INPP4B: variants seen among roughly 807,000 people sequenced by gnomAD.
INPP4B encodes the protein inositol polyphosphate 4-phosphatase type II.
In INPP4B, 55 loss-of-function variants were observed where a neutral mutation model predicts 122.5. The ratio of observed to expected loss-of-function variants is 0.45; its 90% CI spans 0.36 to 0.56. The LOEUF (loss-of-function observed/expected upper bound fraction) is 0.56. Among genes scored for constraint, INPP4B ranks in the 20% least tolerant of loss-of-function variants. The pLI is 0.00. For missense variants in INPP4B, 1,000 were observed against 1,097.7 expected (o/e 0.91, Z 1.26); for synonymous variants, 403 against 388.7 (o/e 1.04, Z -0.43).
intron 2 of INPP4B, among the ~76,000 whole-genome samples, chr4:142,528,490 C>G (rs938806621): frequency 6.6e-6 from 1 of 152,062 alleles, no homozygotes; most frequent in Non-Finnish European, 1.5e-5. Flanking sequence ...TGCCCTCTAT[C>G]CAGGCAAGAA....
At chr4:142,425,421 CT>C (rs893152607) in intron 5 of INPP4B, among the ~76,000 whole-genome samples, 6 of 151,428 alleles carry the variant, frequency 4.0e-5, no homozygotes, top group East Asian at 1.9e-4. Flanking sequence ...TTCACTGTGG[CT>C]TTTTTTTTCT....
intron 7 of INPP4B, among the ~76,000 whole-genome samples, chr4:142,382,527 A>C (rs1460799469): frequency 7.0e-6 from 1 of 143,356 alleles, no homozygotes; most frequent in Non-Finnish European, 1.5e-5. Flanking sequence ...AAAAACATAC[A>C]TACACATATA....
chr4:142,289,158 T>C (rs559937517), intron 9 of INPP4B, among the ~76,000 whole-genome samples: 68 of 151,080 alleles, frequency 4.5e-4, no homozygotes, highest in African/African-American at 1.6e-3. Context: ...TTCTAAAATA[T>C]ACTTTTAGCA....
chr4:142,254,366 C>T (rs1418179173), intron 11 of INPP4B, among the ~76,000 whole-genome samples: 4 of 133,446 alleles, frequency 3.0e-5, no homozygotes, highest in African/African-American at 1.0e-4. Flanking sequence ...ATGACTTTCA[C>T]GAGCTGAGAG....
At chr4:142,695,589 A>T (rs1760912425) in intron 2 of INPP4B, among the ~76,000 whole-genome samples, 1 of 152,220 alleles carries the variant, frequency 6.6e-6, no homozygotes, top group African/African-American at 2.4e-5. Flanking sequence ...GCATAAATTT[A>T]TGATGAAAAT....
chr4:142,637,185 G>T (rs907375470), intron 2 of INPP4B, among the ~76,000 whole-genome samples: 1 of 152,046 alleles, frequency 6.6e-6, no homozygotes, highest in East Asian at 1.9e-4. Context: ...GGATGAACCT[G>T]CATTGACACA....
rs144476148 is a variant in INPP4B, at chr4:142,749,177, C to T, written c.-253-23276G>A. ...TATAAAATATATATTATGTATTATA[C>T]CTTACCATATATAATATATATTATG... On this transcript the variant is annotated intron_variant, in intron 1 of 25. Coordinates refer to ENST00000262992, the MANE Select transcript of INPP4B (RefSeq NM_001101669.3). 6.1e-3 allele frequency among the ~76,000 whole-genome samples: 893 copies of T among 146,126 alleles called. 14 individuals carry two copies. Among genetic ancestry groups the T allele is most frequent in the African/African-American group, 0.021 (858 of 40,088 alleles).
intron 2 of INPP4B, among the ~76,000 whole-genome samples, chr4:142,492,458 T>C (rs1266453137): frequency 6.6e-6 from 1 of 152,086 alleles, no homozygotes; most frequent in African/African-American, 2.4e-5. Flanking sequence ...GACAGGAAGA[T>C]GTGAGAAAAT....
At position 142,295,168 on chromosome 4, in the gene INPP4B, T is replaced by C. The variant is rs555952458; in HGVS notation, c.503+10290A>G. ...AGTTCAGTTTGGGGTAGGTAAAATA[T>C]TAGGTGATTACAAAAATATGTGTTC... On this transcript the variant is annotated intron_variant, in intron 9 of 25. Coordinates refer to ENST00000262992, the MANE Select transcript of INPP4B (RefSeq NM_001101669.3). Among the ~76,000 whole-genome samples, 3 of 152,254 alleles carry C rather than the reference T, an allele frequency of 2.0e-5. No individual in the cohort carries two copies. The South Asian group carries it at 6.2e-4, about 32-fold the overall frequency.
At chr4:142,655,659 G>A (rs1467625582) in intron 2 of INPP4B, among the ~76,000 whole-genome samples, 1 of 152,100 alleles carries the variant, frequency 6.6e-6, no homozygotes, top group Non-Finnish European at 1.5e-5. Flanking sequence ...ATAATTATCT[G>A]AGTATAAAAA....
At chr4:142,473,613 G>T (rs1026173706) in intron 2 of INPP4B, among the ~76,000 whole-genome samples, 1 of 152,216 alleles carries the variant, frequency 6.6e-6, no homozygotes, top group African/African-American at 2.4e-5. Flanking sequence ...AGAGGTCGCA[G>T]TTTGGTGCCT....
rs528144915 is a variant in INPP4B at position 142,598,562 on chromosome 4, C to A, written c.-191+127277G>T. ...GGCTAGACCCAAGGATGCTGGAGAG[C>A]CCCCAGTACTCCAGCCCACAGGAAG... On this transcript the variant is annotated intron_variant, in intron 2 of 25. Transcript: ENST00000262992. Among the ~76,000 whole-genome samples, 11 of 152,252 alleles carry A rather than the reference C, an allele frequency of 7.2e-5. 1 individual carries two copies. The South Asian group carries it at 1.9e-3, about 26-fold the overall frequency.
chr4:142,566,802 A>G (rs945468851), intron 2 of INPP4B, among the ~76,000 whole-genome samples: 18 of 152,218 alleles, frequency 1.2e-4, no homozygotes, highest in African/African-American at 4.3e-4. Flanking sequence ...GTAAACCTCT[A>G]TTACTATCAG....
At chr4:142,337,794 A>G (rs1395654224) in intron 7 of INPP4B, among the ~76,000 whole-genome samples, 1 of 147,302 alleles carries the variant, frequency 6.8e-6, no homozygotes, top group Non-Finnish European at 1.5e-5. Flanking sequence ...GTTTATGTAT[A>G]TAATGAATCT....
intron 10 of INPP4B, among the ~76,000 whole-genome samples, chr4:142,268,612 A>C (rs1391647976): frequency 6.6e-6 from 1 of 152,098 alleles, no homozygotes; most frequent in Admixed American, 6.6e-5. Flanking sequence ...CTTAGTGTCC[A>C]TCATCAGATG....
At chr4:142,589,408 C>T (rs950040015) in intron 2 of INPP4B, among the ~76,000 whole-genome samples, 6 of 151,808 alleles carry the variant, frequency 4.0e-5, no homozygotes, top group African/African-American at 2.4e-5. Context: ...GACTTATATC[C>T]AAAATATACA....
intron 1 of INPP4B, among the ~76,000 whole-genome samples, chr4:142,737,412 T>C (rs1379985711): frequency 6.6e-6 from 1 of 152,148 alleles, no homozygotes; most frequent in African/African-American, 2.4e-5. Context: ...TAGCTATATG[T>C]AGAAAGCTGA....
At chr4:142,695,753 A>C (rs531022967) in intron 2 of INPP4B, among the ~76,000 whole-genome samples, 1 of 152,236 alleles carries the variant, frequency 6.6e-6, no homozygotes, top group Non-Finnish European at 1.5e-5. Context: ...TGCTCTATCC[A>C]ACAGAGCACT....
rs116431875 is a variant in INPP4B at position 142,539,673 on chromosome 4, G to A, written c.-190-76947C>T. 3.9e-3 allele frequency among the ~76,000 whole-genome samples: 598 copies of A among 152,048 alleles called. 7 individuals carry two copies. The highest frequency in any genetic ancestry group is 0.014 in the African/African-American group (562 of 41,518). On this transcript the variant is annotated intron_variant, in intron 2 of 25. Transcript: ENST00000262992. Reference sequence around the variant, plus strand: ...TGTTGAGTAGGACATTGGTTAAACCGAATAAACATCATTCACCAGCTCTGA... The same window carrying A: ...TGTTGAGTAGGACATTGGTTAAACCAAATAAACATCATTCACCAGCTCTGA...
Sources: allele counts gnomAD v4.1 joint callset (sites outside exome capture counted in the v4.1 genomes callset), GRCh38; gene constraint gnomAD v4.1.1; transcripts MANE v1.5; gene names NCBI Gene and HGNC (gene_info 2026-07-23, HGNC 2026-07-21).